Variants in PPM1L observed in about 807,000 individuals in gnomAD.
PPM1L encodes the protein protein phosphatase 1L.
In PPM1L, 13 loss-of-function variants were observed where a neutral mutation model predicts 31.4. The observed-to-expected ratio is 0.41, with a 90% confidence interval of 0.27 to 0.66. PPM1L has a LOEUF of 0.66. PPM1L is among the 30% of genes least tolerant of loss of function. The pLI, the probability that PPM1L is intolerant of heterozygous loss-of-function variation, is 0.29. For missense variants in PPM1L, 326 were observed against 453.7 expected (o/e 0.72, Z 2.56); for synonymous variants, 184 against 175.4 (o/e 1.05, Z -0.39).
intron 1 of PPM1L, among the ~76,000 whole-genome samples, chr3:160,901,448 G>A (rs796666591): frequency 9.2e-5 from 14 of 151,972 alleles, no homozygotes; most frequent in African/African-American, 2.7e-4. Flanking sequence ...GATCTGCATC[G>A]ACCTCACACT....
intron 1 of PPM1L, among the ~76,000 whole-genome samples, chr3:160,893,751 G>A (rs1189034467): frequency 3.3e-5 from 5 of 152,162 alleles, no homozygotes; most frequent in African/African-American, 1.2e-4. Flanking sequence ...TCTTGCCAGA[G>A]TAAAATGGGC....
intron 2 of PPM1L, among the ~76,000 whole-genome samples, chr3:161,047,681 A>G (rs1719128904): frequency 2.6e-5 from 4 of 152,242 alleles, no homozygotes; most frequent in Admixed American, 6.5e-5. Context: ...ACCTGACTTC[A>G]AACTATACTA....
At chr3:160,765,709 A>G (rs896296462) in intron 1 of PPM1L, among the ~76,000 whole-genome samples, 9 of 152,348 alleles carry the variant, frequency 5.9e-5, no homozygotes, top group Non-Finnish European at 1.2e-4. Context: ...ACAATAAACA[A>G]AAATGACTTA....
chr3:160,952,054 A>G (rs1715591358), intron 1 of PPM1L, among the ~76,000 whole-genome samples: 1 of 152,230 alleles, frequency 6.6e-6, no homozygotes, highest in Non-Finnish European at 1.5e-5. Context: ...GGAGTGCAAG[A>G]CGGTCATCTC....
intron 1 of PPM1L, among the ~76,000 whole-genome samples, chr3:160,958,647 G>A (rs564589164): frequency 1.2e-4 from 18 of 152,272 alleles, no homozygotes; most frequent in Admixed American, 9.2e-4. Context: ...ACATTTTATG[G>A]AATAATTTCA....
chr3:160,925,214 C>A (rs186935408), intron 1 of PPM1L, among the ~76,000 whole-genome samples: 2 of 152,246 alleles, frequency 1.3e-5, no homozygotes, highest in Admixed American at 1.3e-4. Flanking sequence ...TCTGATTTAC[C>A]AGTCACTAAA....
intron 1 of PPM1L, among the ~76,000 whole-genome samples, chr3:160,793,707 G>C (rs1472542084): frequency 6.6e-6 from 1 of 152,188 alleles, no homozygotes; most frequent in Non-Finnish European, 1.5e-5. Context: ...GAATGAAAGA[G>C]ACTTTATTTC....
At chr3:160,931,420 A>G (rs1714781637) in intron 1 of PPM1L, among the ~76,000 whole-genome samples, 1 of 152,232 alleles carries the variant, frequency 6.6e-6, no homozygotes, top group African/African-American at 2.4e-5. Flanking sequence ...TTCAGCAATT[A>G]TTTACTGAAC....
At chr3:160,816,967 C>T (rs574648504) in intron 1 of PPM1L, among the ~76,000 whole-genome samples, 13 of 152,000 alleles carry the variant, frequency 8.6e-5, no homozygotes, top group African/African-American at 3.1e-4. Flanking sequence ...CTTGGCGTTA[C>T]TAGTGATTAT....
At chr3:160,971,377 C>CCCACG (rs1716336896) in intron 2 of PPM1L, among the ~76,000 whole-genome samples, 1 of 152,174 alleles carries the variant, frequency 6.6e-6, no homozygotes, top group African/African-American at 2.4e-5. Flanking sequence ...AGACACAGTA[C>CCCACG]CCACCACTAG....
chr3:160,878,763 TA>T (rs1469891071), intron 1 of PPM1L, among the ~76,000 whole-genome samples: 1 of 152,212 alleles, frequency 6.6e-6, no homozygotes, highest in East Asian at 1.9e-4. Context: ...AGCCCCTTTT[TA>T]AAAATATCAG....
intron 2 of PPM1L, among the ~76,000 whole-genome samples, chr3:160,990,966 A>T (rs571590997): frequency 1.3e-5 from 2 of 152,200 alleles, no homozygotes; most frequent in South Asian, 4.1e-4. Flanking sequence ...CTCATTCAGG[A>T]TCACTGCTTT....
In PPM1L at chr3:160,845,051, T is replaced by C. The variant is rs145424444; in HGVS notation, c.399+88344T>C. On this transcript the variant is annotated intron_variant, in intron 1 of 3. Coordinates refer to ENST00000498165, the MANE Select transcript of PPM1L (RefSeq NM_139245.4). ...ACTTGAACAGTGTTTTCAAAGTTCA[T>C]CCATGTTGTAGCATGTATCAGTATT... is the stretch of plus-strand genomic sequence containing the variant. 2.6e-3 allele frequency among the ~76,000 whole-genome samples: 400 copies of C among 152,302 alleles called. 2 individuals are homozygous for C. The highest frequency in any genetic ancestry group is 9.4e-3 in the African/African-American group (390 of 41,568).
intron 1 of PPM1L, among the ~76,000 whole-genome samples, chr3:160,779,473 A>G (rs1711673382): frequency 6.6e-6 from 1 of 152,042 alleles, no homozygotes; most frequent in East Asian, 1.9e-4. Flanking sequence ...GCAGTGGTTA[A>G]TGATGTGGAC....
At chr3:161,052,175 T>C (rs1297591116) in intron 2 of PPM1L, among the ~76,000 whole-genome samples, 1 of 152,214 alleles carries the variant, frequency 6.6e-6, no homozygotes, top group African/African-American at 2.4e-5. Context: ...TGCCTTTCCA[T>C]ACTGGAGCAA....
intron 1 of PPM1L, among the ~76,000 whole-genome samples, chr3:160,889,658 A>G (rs1194209984): frequency 1.3e-5 from 2 of 152,218 alleles, no homozygotes; most frequent in East Asian, 3.8e-4. Flanking sequence ...TTGTGAAGCC[A>G]GCATCATCCT....
At chr3:160,855,592 T>C (rs9810290) in intron 1 of PPM1L, among the ~76,000 whole-genome samples, 85,743 of 152,050 alleles carry the variant, frequency 0.56, 27,130 homozygotes, top group African/African-American at 0.87. Context: ...AAGACACCAA[T>C]GCACGGCCAA....
intron 2 of PPM1L, among the ~76,000 whole-genome samples, chr3:160,990,197 T>A (rs1717086687): frequency 6.6e-6 from 1 of 151,782 alleles, no homozygotes; most frequent in Non-Finnish European, 1.5e-5. Flanking sequence ...GACAGGAGTC[T>A]CATCACATTG....
chr3:160,984,758 C>G (rs1409323210), intron 2 of PPM1L, among the ~76,000 whole-genome samples: 1 of 152,130 alleles, frequency 6.6e-6, no homozygotes, highest in African/African-American at 2.4e-5. Flanking sequence ...GAATTATTTT[C>G]TAACCACCAA....
Sources: gnomAD v4.1 joint callset for allele counts (sites outside exome capture counted in the v4.1 genomes callset) on GRCh38, gnomAD v4.1.1 for gene constraint, MANE v1.5 for transcripts, NCBI Gene and HGNC (gene_info 2026-07-23, HGNC 2026-07-21) for gene names.